RHBDD3: variants seen among roughly 807,000 people sequenced by gnomAD.
The protein encoded by RHBDD3 is rhomboid domain-containing protein 3.
RHBDD3 carries 34 observed loss-of-function variants against 32.3 expected under a neutral mutation model. The ratio of observed to expected loss-of-function variants is 1.05; its 90% CI spans 0.80 to 1.40. The LOEUF is 1.40. RHBDD3 is among the 40% of genes most tolerant of loss of function. The pLI is 0.00. For synonymous variants in RHBDD3, 249 were observed against 239.1 expected (o/e 1.04, Z -0.38); for missense variants, 482 against 492.6 (o/e 0.98, Z 0.20).
At chr22:29,266,555 A>G (rs1014737048) in intron 2 of RHBDD3, among the ~76,000 whole-genome samples, 3 of 152,308 alleles carry the variant, frequency 2.0e-5, no homozygotes, top group Non-Finnish European at 4.4e-5. Flanking sequence ...GAAGGCCTCA[A>G]TATGGAGGTG....
At chr22:29,260,286 C>T (rs764888390) in intron 6 of RHBDD3, 40 bp downstream of exon 6, 7 of 1,607,200 alleles carry the variant, frequency 4.4e-6, no homozygotes, top group East Asian at 2.2e-5. Flanking sequence ...CACCCCGGCC[C>T]CTATACCAGG....
At chr22:29,263,017 A>G (rs1228738804) in intron 4 of RHBDD3, among the ~76,000 whole-genome samples, 3 of 151,408 alleles carry the variant, frequency 2.0e-5, no homozygotes, top group Admixed American at 2.0e-4. Context: ...CTGGGACTAT[A>G]GGCGCCTGCC....
Position 29,260,683 on chromosome 22 carries a change from T to TC in RHBDD3, c.695+18dup, listed in dbSNP as rs35125319. ...ACAGTGCCCACCACCTGGACTGGCA[T>TC]CCCCCCCATCACCCTCACCTCACTC... On this transcript the variant is annotated intron_variant, in intron 5 of 6. Coordinates refer to ENST00000216085, the MANE Select transcript of RHBDD3 (RefSeq NM_012265.3). The TC allele has an allele frequency of 3.9e-6, 6 of 1,552,934 alleles. No individual in the cohort carries two copies. The highest frequency in any genetic ancestry group is 2.3e-5 in the East Asian group (1 of 43,812).
rs758241477 is a variant in RHBDD3, at chr22:29,260,737, C to G, written c.660G>C (p.Leu220=). Residue 220 remains leucine (L), a synonymous_variant, in exon 5 of 7, where the codon CTG becomes CTC. Transcript: ENST00000216085. ...PLRLLATPGS[L]AELPVTHPAG... ...CAGGATGGGTGACAGGCAGCTCCGCCAGGCTACCCGGGGTGGCAAGGAGCC... is the reference window on the plus strand; with the variant it reads ...CAGGATGGGTGACAGGCAGCTCCGCGAGGCTACCCGGGGTGGCAAGGAGCC... 6.3e-7 allele frequency: 1 copy of G among 1,596,418 alleles called. No homozygotes were observed. The highest frequency in any genetic ancestry group is 1.1e-5 in the South Asian group (1 of 88,236).
chr22:29,261,249 G>C, intron 4 of RHBDD3: 1 of 496,172 alleles, frequency 2.0e-6, no homozygotes, highest in South Asian at 1.5e-5. Context: ...CCAATCCAGA[G>C]TGCAGAGGCC....
At chr22:29,263,811 G>A (rs1469329385) in intron 4 of RHBDD3, 24 bp downstream of exon 4, 2 of 1,498,098 alleles carry the variant, frequency 1.3e-6, no homozygotes, top group East Asian at 2.5e-5. Flanking sequence ...ATCCCCACGG[G>A]CCCTGGGCTC....
In RHBDD3 at chr22:29,260,306, C is replaced by A. The variant is rs1204725940; in HGVS notation, c.983+20G>T. Reference sequence around the variant, plus strand: ...CGGCCCCTATACCAGGGGACCCCACCTCTGCCCACCCCACCTTACCGCAGA... The same window carrying A: ...CGGCCCCTATACCAGGGGACCCCACATCTGCCCACCCCACCTTACCGCAGA... On this transcript the variant is annotated intron_variant, in intron 6 of 6. Coordinates refer to ENST00000216085, the MANE Select transcript of RHBDD3 (RefSeq NM_012265.3). 10 of 1,606,224 alleles carry A rather than the reference C, an allele frequency of 6.2e-6. No individual in the cohort carries two copies. Among genetic ancestry groups the A allele is most frequent in the Non-Finnish European group, 8.5e-6 (10 of 1,175,834 alleles).
chr22:29,264,313 C>T lies in RHBDD3; in HGVS notation c.149-95G>A, dbSNP rs2058153725. The T allele has an allele frequency of 4.2e-5, 60 of 1,435,060 alleles. 1 individual carries two copies. The South Asian group carries it at 8.7e-4, about 21-fold the overall frequency. The allele number at this position is 1,435,060 out of a possible 1,614,324, so 88.9% of individuals were successfully genotyped here. ...GGTTGAAGGTTACGCTACACCAGGGCCACCTGCTGAGCCCACCTCCCCTCC... is the reference window on the plus strand; with the variant it reads ...GGTTGAAGGTTACGCTACACCAGGGTCACCTGCTGAGCCCACCTCCCCTCC... On this transcript the variant is annotated intron_variant, in intron 3 of 6. Coordinates refer to ENST00000216085, the MANE Select transcript of RHBDD3 (RefSeq NM_012265.3).
At chr22:29,264,304 A>G (rs746050846) in intron 3 of RHBDD3, 86 bp from the exon 4 acceptor site, 67 of 1,438,188 alleles carry the variant, frequency 4.7e-5, no homozygotes, top group Non-Finnish European at 5.8e-5. Flanking sequence ...AGGTTACGCT[A>G]CACCAGGGCC....
At chr22:29,260,297 G>A in intron 6 of RHBDD3, 29 bp downstream of exon 6, 1 of 1,606,834 alleles carries the variant, frequency 6.2e-7, no homozygotes. Flanking sequence ...CTATACCAGG[G>A]GACCCCACCT....
rs2058257375 is a variant in RHBDD3, at chr22:29,267,826, C to A, written c.-273G>T. ...TCAGGACTCTAGCTCCCGGGCGCGA[C>A]CCGAGAACCCTGAATCCATTCCGCG... On this transcript the variant is annotated 5_prime_UTR_variant, in exon 1 of 7. Coordinates refer to ENST00000216085, the MANE Select transcript of RHBDD3 (RefSeq NM_012265.3). 1 of 191,900 alleles carries A rather than the reference C, an allele frequency of 5.2e-6. No individual in the cohort carries two copies. The highest frequency in any genetic ancestry group is 2.3e-5 in the African/African-American group (1 of 42,884). The allele number at this position is 191,900 out of a possible 1,614,324, so 11.9% of individuals were successfully genotyped here.
rs746980084 is a variant in RHBDD3 at position 29,264,013 on chromosome 22, G to A, written c.354C>T (p.Ser118=). The change falls in exon 4 of 7, where the codon AGC becomes AGT. Residue 118 remains serine, a synonymous_variant. Coordinates refer to ENST00000216085, the MANE Select transcript of RHBDD3 (RefSeq NM_012265.3). The stretch of plus-strand genomic sequence containing the variant: ...CCAGGTGGACAGGCATGTATCCACA[G>A]CTGCCGGCTGCACTGGACAGCCCAA... ...AGLGLSSAAG[S]CGYMPVHLAM... The A allele has an allele frequency of 1.9e-6, 3 of 1,554,128 alleles. No homozygotes were observed. The highest frequency in any genetic ancestry group is 2.6e-6 in the Non-Finnish European group (3 of 1,149,034).
intron 5 of RHBDD3, 23 bp from the exon 6 acceptor site, chr22:29,260,636 G>A (rs753345457): frequency 6.4e-7 from 1 of 1,566,454 alleles, no homozygotes; most frequent in South Asian, 1.2e-5. Flanking sequence ...GAAGAGAAGA[G>A]GGCCTGACTG....
intron 4 of RHBDD3, among the ~76,000 whole-genome samples, chr22:29,263,244 C>T (rs749991901): frequency 2.7e-4 from 41 of 152,274 alleles, no homozygotes; most frequent in Non-Finnish European, 4.7e-4. Flanking sequence ...GGGGTTTTAC[C>T]ATGTTGGCCA....
Position 29,260,248 on chromosome 22 carries a change from TG to T in RHBDD3, c.984-12del. 6.2e-7 allele frequency: 1 copy of T among 1,601,326 alleles called. No homozygotes were observed. The highest frequency in any genetic ancestry group is 8.5e-7 in the Non-Finnish European group (1 of 1,174,778). Reference sequence around the variant, plus strand: ...TCCAGCTGCTGCAGCCTGTTGGGGGTGGGGGGAGAAGTGGGGAGTGTCAGGG... The same window carrying T: ...TCCAGCTGCTGCAGCCTGTTGGGGGTGGGGGAGAAGTGGGGAGTGTCAGGG... On this transcript the variant is annotated splice_polypyrimidine_tract_variant and intron_variant, in intron 6 of 6. Transcript: ENST00000216085.
chr22:29,260,558 C>T lies in RHBDD3; in HGVS notation c.751G>A (p.Glu251Lys), dbSNP rs2146510010. ...VASPDLWSHW[E>K]DSALPPPSLR... The stretch of plus-strand genomic sequence containing the variant: ...CTTGGTGGGGGCAGGGCTGAGTCTT[C>T]CCAGTGGGACCAGAGGTCAGGGGAG... Residue 251 changes from glutamate (E) to lysine (K), a missense_variant, in exon 6 of 7, where the codon GAA becomes AAA. Coordinates refer to ENST00000216085, the MANE Select transcript of RHBDD3 (RefSeq NM_012265.3). The T allele has an allele frequency of 6.3e-7, 1 of 1,599,456 alleles. No homozygotes were observed. The highest frequency in any genetic ancestry group is 8.5e-7 in the Non-Finnish European group (1 of 1,175,800).
At chr22:29,264,471 A>C in intron 3 of RHBDD3, 1 of 1,292,194 alleles carries the variant, frequency 7.7e-7, no homozygotes, top group Non-Finnish European at 9.8e-7. Context: ...TTTCACTGAC[A>C]ACCCGCTACA....
intron 3 of RHBDD3, among the ~76,000 whole-genome samples, chr22:29,264,828 A>G (rs1033692251): frequency 6.6e-6 from 1 of 151,894 alleles, no homozygotes; most frequent in Non-Finnish European, 1.5e-5. Context: ...CCCAGGCTGG[A>G]GTGCAGTGGC....
In RHBDD3 at chr22:29,266,542, C is replaced by T. The variant is rs945174769; in HGVS notation, c.-42-874G>A. On this transcript the variant is annotated intron_variant, in intron 2 of 6. Coordinates refer to ENST00000216085, the MANE Select transcript of RHBDD3 (RefSeq NM_012265.3). ...CGTCTGTAGCCACCAACTGGCCCAT[C>T]GAGAAGGCCTCAATATGGAGGTGGC... Among the ~76,000 whole-genome samples the T allele has an allele frequency of 4.6e-5, 7 of 152,362 alleles. No individual in the cohort carries two copies. In the East Asian group the frequency reaches 1.3e-3, roughly 29 times the overall value.
Sources: gnomAD v4.1 joint callset for allele counts (sites outside exome capture counted in the v4.1 genomes callset) on GRCh38, gnomAD v4.1.1 for gene constraint, MANE v1.5 for transcripts, NCBI Gene and HGNC (gene_info 2026-07-23, HGNC 2026-07-21) for gene names.